Variants in RNF216 observed in about 807,000 individuals in gnomAD.
RNF216 encodes the protein E3 ubiquitin-protein ligase RNF216.
Under a neutral mutation model 110.8 loss-of-function variants are expected in RNF216, and 72 were observed. The observed-to-expected ratio is 0.65, with a 90% confidence interval of 0.54 to 0.79. The LOEUF is 0.79. RNF216 is among the 30% of genes least tolerant of loss of function. The pLI is 0.00. For synonymous variants in RNF216, 495 were observed against 407.5 expected (o/e 1.21, Z -2.59); for missense variants, 1,342 against 1,141.2 (o/e 1.18, Z -2.54).
intron 13 of RNF216, among the ~76,000 whole-genome samples, chr7:5,707,758 CTG>C (rs1020483813): frequency 2.0e-4 from 25 of 122,228 alleles, no homozygotes; most frequent in African/African-American, 7.9e-4. Flanking sequence ...GAGTCTCACT[CTG>C]TCGCCCAGGC....
intron 3 of RNF216, among the ~76,000 whole-genome samples, chr7:5,748,422 G>A (rs577518787): frequency 6.6e-6 from 1 of 152,246 alleles, no homozygotes; most frequent in African/African-American, 2.4e-5. Context: ...ACCATGCCCA[G>A]CTAATTTTTG....
chr7:5,779,360 ATCTGGCCCAGACTC>A (rs1432898117), intron 1 of RNF216, among the ~76,000 whole-genome samples: 1 of 152,020 alleles, frequency 6.6e-6, no homozygotes, highest in Non-Finnish European at 1.5e-5. Context: ...GGGGTCCAAA[ATCTGGCCCAGACTC>A]TCCAGGCATT....
At chr7:5,664,080 G>T (rs1219214499) in intron 13 of RNF216, among the ~76,000 whole-genome samples, 1 of 152,148 alleles carries the variant, frequency 6.6e-6, no homozygotes, top group African/African-American at 2.4e-5. Context: ...CACTAGATTT[G>T]AGCGGCACAA....
intron 1 of RNF216, among the ~76,000 whole-genome samples, chr7:5,775,722 A>T (rs1203515142): frequency 6.6e-6 from 1 of 152,058 alleles, no homozygotes; most frequent in Non-Finnish European, 1.5e-5. Context: ...TACAAAAACT[A>T]GCCAGGCGTG....
rs552995765 is a variant in RNF216 at position 5,754,032 on chromosome 7, GAGA to G, written c.68-1056_68-1054del. On this transcript the variant is annotated intron_variant, in intron 2 of 16. Transcript: ENST00000389902. The stretch of plus-strand genomic sequence containing the variant: ...AAATGCATTAAGTGACCTAAAAGAA[GAGA>G]AGAAGAAAGAAACGAAATGACGCAC... 2.7e-3 allele frequency among the ~76,000 whole-genome samples: 403 copies of G among 151,860 alleles called. 3 individuals carry two copies. Among genetic ancestry groups the G allele is most frequent in the African/African-American group, 9.1e-3 (378 of 41,390 alleles).
At chr7:5,716,600 C>T (rs1178261112) in intron 10 of RNF216, 116 bp downstream of exon 10, 5 of 735,024 alleles carry the variant, frequency 6.8e-6, no homozygotes, top group Non-Finnish European at 9.2e-6. Flanking sequence ...ACTGCAAACT[C>T]ACCAAACAGG....
intron 13 of RNF216, among the ~76,000 whole-genome samples, chr7:5,658,203 T>C (rs1584393107): frequency 6.6e-6 from 1 of 152,314 alleles, no homozygotes; most frequent in East Asian, 1.9e-4. Context: ...CTTCTCCTAC[T>C]GGGATCTACG....
chr7:5,700,769 G>C (rs1012241088), intron 13 of RNF216, among the ~76,000 whole-genome samples: 3 of 152,132 alleles, frequency 2.0e-5, no homozygotes, highest in Non-Finnish European at 4.4e-5. Flanking sequence ...CCTTCCACAA[G>C]GACAGTCCAA....
chr7:5,760,229 A>G (rs1413270092), intron 2 of RNF216, among the ~76,000 whole-genome samples: 2 of 152,174 alleles, frequency 1.3e-5, no homozygotes, highest in Non-Finnish European at 2.9e-5. Flanking sequence ...TAAAAACTGT[A>G]GAACAGTCTG....
Position 5,765,294 on chromosome 7 carries a change from T to C in RNF216, c.-69-4156A>G, listed in dbSNP as rs867841939. Among the ~76,000 whole-genome samples the C allele has an allele frequency of 5.3e-5, 8 of 150,762 alleles. No individual in the cohort carries two copies. In the Middle Eastern group the frequency reaches 0.01, roughly 194 times the overall value. ...TGGGCAACACAGTGAGGACTATCTA[T>C]ACTGAAAATACAAAAATTAGCTGGG... On this transcript the variant is annotated intron_variant, in intron 1 of 16. Coordinates refer to ENST00000389902, the MANE Select transcript of RNF216 (RefSeq NM_207111.4).
At chr7:5,731,575 C>G (rs1392462231) in intron 5 of RNF216, among the ~76,000 whole-genome samples, 3 of 151,024 alleles carry the variant, frequency 2.0e-5, no homozygotes, top group African/African-American at 7.4e-5. Context: ...CAGACAACCA[C>G]CTTGGAACAA....
chr7:5,628,587 A>G (rs1584335067), intron 15 of RNF216, among the ~76,000 whole-genome samples: 1 of 152,122 alleles, frequency 6.6e-6, no homozygotes, highest in Admixed American at 6.5e-5. Flanking sequence ...CAGTGGCACC[A>G]TCATAGATCA....
At chr7:5,652,939 A>C (rs1004898677) in intron 13 of RNF216, among the ~76,000 whole-genome samples, 1 of 152,218 alleles carries the variant, frequency 6.6e-6, no homozygotes, top group Non-Finnish European at 1.5e-5. Flanking sequence ...GCTCTGGGCC[A>C]TCTGAAAAAA....
intron 3 of RNF216, among the ~76,000 whole-genome samples, chr7:5,752,143 C>A (rs1038852230): frequency 1.3e-5 from 2 of 151,740 alleles, no homozygotes; most frequent in Non-Finnish European, 2.9e-5. Context: ...CAAGATCGCG[C>A]CACTGCACTC....
chr7:5,758,119 T>C (rs1584587704), intron 2 of RNF216, among the ~76,000 whole-genome samples: 1 of 152,216 alleles, frequency 6.6e-6, no homozygotes, highest in Non-Finnish European at 1.5e-5. Context: ...TCAGTAATTT[T>C]CCAAAATGAA....
chr7:5,760,523 A>G, intron 2 of RNF216: 1 of 259,838 alleles, frequency 3.8e-6, no homozygotes, highest in South Asian at 3.4e-5. Flanking sequence ...TCAAAAAAAG[A>G]AAAAAAAAAA....
intron 13 of RNF216, among the ~76,000 whole-genome samples, chr7:5,675,638 C>A (rs569177964): frequency 2.4e-4 from 36 of 149,496 alleles, no homozygotes; most frequent in African/African-American, 8.7e-4. Flanking sequence ...AAGACCCTCT[C>A]AAAACAAACA....
At chr7:5,665,018 G>C (rs1307150159) in intron 13 of RNF216, among the ~76,000 whole-genome samples, 1 of 152,108 alleles carries the variant, frequency 6.6e-6, no homozygotes, top group Admixed American at 6.5e-5. Context: ...GGCTGGTCTT[G>C]AACTCCTGAC....
intron 13 of RNF216, among the ~76,000 whole-genome samples, chr7:5,679,924 A>T (rs1007567288): frequency 6.6e-6 from 1 of 152,140 alleles, no homozygotes; most frequent in East Asian, 1.9e-4. Flanking sequence ...CGGCTTTAAG[A>T]AACACAATAG....
Sources: allele counts gnomAD v4.1 joint callset (sites outside exome capture counted in the v4.1 genomes callset), GRCh38; gene constraint gnomAD v4.1.1; transcripts MANE v1.5; gene names NCBI Gene and HGNC (gene_info 2026-07-23, HGNC 2026-07-21).